Variants in PAPSS1 observed in about 807,000 individuals in gnomAD.
The protein encoded by PAPSS1 is 3'-phosphoadenosine 5'-phosphosulfate synthase 1.
PAPSS1 carries 50 observed loss-of-function variants against 72.0 expected under a neutral mutation model. The observed-to-expected ratio is 0.69, with a 90% CI of 0.55 to 0.88. The LOEUF (loss-of-function observed/expected upper bound fraction) is 0.88, where lower values mean the gene tolerates loss of function less well. PAPSS1 is among the 40% of genes least tolerant of loss of function. The probability of loss-of-function intolerance (pLI) is 0.00; values close to 1 mark genes in which losing one functional copy is unlikely to be tolerated. For synonymous variants in PAPSS1, 261 were observed against 263.6 expected, an observed-to-expected ratio of 0.99 and a Z score of 0.09; for missense variants, 657 against 782.2, an observed-to-expected ratio of 0.84 and a Z score of 1.91.
chr4:107,696,532 G>A (rs994142636), intron 2 of PAPSS1, among the ~76,000 whole-genome samples: 1 of 152,118 alleles, frequency 6.6e-6, no homozygotes, highest in Non-Finnish European at 1.5e-5. Context: ...CATGGACATG[G>A]AGGGGAACAA....
chr4:107,650,773 G>C (rs1283936373), intron 9 of PAPSS1, among the ~76,000 whole-genome samples: 1 of 152,052 alleles, frequency 6.6e-6, no homozygotes, highest in Non-Finnish European at 1.5e-5. Flanking sequence ...AAGGACAAAA[G>C]TTAGCATATT....
intron 1 of PAPSS1, among the ~76,000 whole-genome samples, chr4:107,717,237 A>C (rs1463101320): frequency 1.4e-4 from 22 of 152,242 alleles, no homozygotes; most frequent in Admixed American, 1.4e-3. Context: ...TTACTTTTTA[A>C]TGTGGTATCT....
chr4:107,676,810 C>T (rs1397889172), intron 5 of PAPSS1, among the ~76,000 whole-genome samples: 2 of 152,168 alleles, frequency 1.3e-5, no homozygotes, highest in Non-Finnish European at 2.9e-5. Flanking sequence ...GTAACCAAAA[C>T]AGCATAGTAC....
At chr4:107,643,666 G>A (rs977515134) in intron 10 of PAPSS1, among the ~76,000 whole-genome samples, 10 of 152,264 alleles carry the variant, frequency 6.6e-5, no homozygotes, top group Non-Finnish European at 1.3e-4. Flanking sequence ...ACTCCTAGGG[G>A]GAGGACAAGT....
At chr4:107,656,847 G>A (rs375224527) in intron 7 of PAPSS1, 49 bp downstream of exon 7, 1 of 1,254,552 alleles carries the variant, frequency 8.0e-7, no homozygotes, top group Non-Finnish European at 1.2e-6. Flanking sequence ...CTGCAACTAT[G>A]TAATTTCTCT....
chr4:107,634,770 A>T (rs956756922), intron 10 of PAPSS1, among the ~76,000 whole-genome samples: 3 of 150,662 alleles, frequency 2.0e-5, no homozygotes, highest in Admixed American at 6.6e-5. Flanking sequence ...TATTCACAAG[A>T]TCTAAAATTT....
chr4:107,631,075 C>T (rs1014036420), intron 11 of PAPSS1, among the ~76,000 whole-genome samples: 1 of 152,132 alleles, frequency 6.6e-6, no homozygotes. Flanking sequence ...ATATTTGAAA[C>T]ATAAATGAAT....
intron 5 of PAPSS1, among the ~76,000 whole-genome samples, chr4:107,668,263 T>C (rs961512982): frequency 6.6e-6 from 1 of 152,198 alleles, no homozygotes; most frequent in Admixed American, 6.5e-5. Context: ...AAAATGAAGA[T>C]AATTATAAAT....
intron 1 of PAPSS1, among the ~76,000 whole-genome samples, chr4:107,717,710 TTAAC>T (rs1723673786): frequency 6.6e-6 from 1 of 152,156 alleles, no homozygotes; most frequent in African/African-American, 2.4e-5. Flanking sequence ...TCCTTTGTGT[TTAAC>T]TAATATCACC....
At chr4:107,697,017 G>A (rs1186635010) in intron 2 of PAPSS1, among the ~76,000 whole-genome samples, 3 of 151,718 alleles carry the variant, frequency 2.0e-5, no homozygotes, top group African/African-American at 7.3e-5. Context: ...TGACTACCAA[G>A]GCTAGGTCAC....
intron 1 of PAPSS1, among the ~76,000 whole-genome samples, chr4:107,702,999 C>A (rs753905393): frequency 6.6e-5 from 10 of 152,146 alleles, no homozygotes; most frequent in African/African-American, 9.7e-5. Context: ...TTTCTCACAT[C>A]CTCACCAACA....
intron 5 of PAPSS1, among the ~76,000 whole-genome samples, chr4:107,681,610 T>C (rs890169763): frequency 6.6e-6 from 1 of 152,156 alleles, no homozygotes; most frequent in Admixed American, 6.6e-5. Flanking sequence ...GAGATCATCA[T>C]GTTATCACAA....
At chr4:107,652,830 T>C (rs1230447266) in intron 9 of PAPSS1, among the ~76,000 whole-genome samples, 2 of 152,152 alleles carry the variant, frequency 1.3e-5, no homozygotes, top group Non-Finnish European at 2.9e-5. Context: ...GACAGTTTGA[T>C]GAATTGTTTT....
Position 107,654,826 on chromosome 4 carries a change from TAC to T in PAPSS1, c.968_969del (p.Cys323TyrfsTer8), listed in dbSNP as rs1301388651. 1 of 1,613,942 alleles carries T rather than the reference TAC, an allele frequency of 6.2e-7. No individual in the cohort carries two copies. On this transcript the variant is annotated frameshift_variant, in exon 8 of 12. Coordinates refer to ENST00000265174, the MANE Select transcript of PAPSS1 (RefSeq NM_005443.5). LOFTEE classifies it high-confidence loss of function. ...CCCTCATACATCAGAGCAAATGCTG[TAC>T]AGCCGTCCAGCCTCTCTTTATCTTC... The part of the protein sequence containing the change: ...THEDKERLDG[C>X]TAFALMYEGR...
intron 10 of PAPSS1, among the ~76,000 whole-genome samples, chr4:107,643,652 G>A (rs967068169): frequency 5.9e-5 from 9 of 152,116 alleles, no homozygotes; most frequent in Non-Finnish European, 1.0e-4. Context: ...TGAGGGTACC[G>A]ATGACTCCTA....
At chr4:107,650,160 C>T (rs1297202585) in intron 9 of PAPSS1, among the ~76,000 whole-genome samples, 1 of 152,162 alleles carries the variant, frequency 6.6e-6, no homozygotes, top group East Asian at 1.9e-4. Context: ...TAAATAAATT[C>T]CCTGCTTTCT....
chr4:107,689,304 A>T (rs1268860507), intron 3 of PAPSS1, among the ~76,000 whole-genome samples: 1 of 152,098 alleles, frequency 6.6e-6, no homozygotes, highest in Non-Finnish European at 1.5e-5. Context: ...TATTGATAAT[A>T]CCTGCCTGGT....
intron 11 of PAPSS1, among the ~76,000 whole-genome samples, chr4:107,627,138 T>A (rs1435736684): frequency 6.6e-6 from 1 of 152,206 alleles, no homozygotes; most frequent in African/African-American, 2.4e-5. Flanking sequence ...TTTAGGGTCC[T>A]GCGTGTGATT....
chr4:107,662,587 G>A (rs1416111643), intron 5 of PAPSS1, among the ~76,000 whole-genome samples: 1 of 148,786 alleles, frequency 6.7e-6, no homozygotes, highest in African/African-American at 2.5e-5. Flanking sequence ...ACCAGGAGGG[G>A]AAACCACATA....
Sources: gnomAD v4.1 joint callset for allele counts (sites outside exome capture counted in the v4.1 genomes callset) on GRCh38, gnomAD v4.1.1 for gene constraint, MANE v1.5 for transcripts, NCBI Gene and HGNC (gene_info 2026-07-23, HGNC 2026-07-21) for gene names.